The following ATG10 variants were observed in gnomAD, a reference collection of about 807,000 sequenced individuals.
ATG10 encodes the protein ubiquitin-like-conjugating enzyme ATG10.
A neutral mutation model predicts 32.1 loss-of-function variants in ATG10; 30 were observed. The observed-to-expected ratio is 0.94, with a 90% CI of 0.70 to 1.27. The LOEUF is 1.27. Among genes scored for constraint, ATG10 ranks in the 50% most tolerant of loss-of-function variants. The pLI is 0.00. For missense variants in ATG10, 233 were observed against 262.3 expected (o/e 0.89, Z 0.77); for synonymous variants, 87 against 91.5 (o/e 0.95, Z 0.28).
At chr5:81,976,303 C>G (rs992668792) in intron 1 of ATG10, 6 of 153,042 alleles carry the variant, frequency 3.9e-5, no homozygotes, top group African/African-American at 1.4e-4. Flanking sequence ...GCCACTGCGC[C>G]CGGCCTGTTG....
chr5:82,105,031 T>G (rs1765402259), intron 3 of ATG10, among the ~76,000 whole-genome samples: 1 of 152,170 alleles, frequency 6.6e-6, no homozygotes, highest in Non-Finnish European at 1.5e-5. Context: ...CCTAACAATG[T>G]CAGTGTTTGA....
chr5:82,180,430 A>G (rs1399049724), intron 5 of ATG10, among the ~76,000 whole-genome samples: 1 of 152,170 alleles, frequency 6.6e-6, no homozygotes, highest in Non-Finnish European at 1.5e-5. Flanking sequence ...TAGACCAGGC[A>G]TTGGTGGTGC....
At chr5:82,159,736 T>C (rs1357724006) in intron 3 of ATG10, among the ~76,000 whole-genome samples, 2 of 152,042 alleles carry the variant, frequency 1.3e-5, no homozygotes, top group African/African-American at 2.4e-5. Context: ...GACATTAGAC[T>C]CTCTTTATTA....
intron 3 of ATG10, among the ~76,000 whole-genome samples, chr5:82,068,306 C>A (rs561966835): frequency 5.0e-4 from 76 of 152,062 alleles, no homozygotes; most frequent in Middle Eastern, 3.4e-3. Flanking sequence ...AAACAGAAAA[C>A]CAAACACCAA....
At chr5:82,167,310 G>A (rs1370779223) in intron 4 of ATG10, among the ~76,000 whole-genome samples, 1 of 152,122 alleles carries the variant, frequency 6.6e-6, no homozygotes, top group Non-Finnish European at 1.5e-5. Context: ...CAAGAGTGAA[G>A]GAAATTGATA....
chr5:82,058,033 T>C (rs1446318229), intron 2 of ATG10, among the ~76,000 whole-genome samples: 1 of 152,206 alleles, frequency 6.6e-6, no homozygotes. Flanking sequence ...GTTGCTGAGA[T>C]GCATAAGTAC....
chr5:82,128,483 G>A (rs1328607280), intron 3 of ATG10, among the ~76,000 whole-genome samples: 1 of 151,880 alleles, frequency 6.6e-6, no homozygotes, highest in Non-Finnish European at 1.5e-5. Flanking sequence ...GGCAGGCCTG[G>A]TGGTGACAAA....
chr5:82,075,263 G>C (rs1021755453), intron 3 of ATG10, among the ~76,000 whole-genome samples: 1 of 152,106 alleles, frequency 6.6e-6, no homozygotes, highest in African/African-American at 2.4e-5. Flanking sequence ...AATACCATAA[G>C]GGCAAGATAT....
intron 2 of ATG10, among the ~76,000 whole-genome samples, chr5:82,033,828 C>T (rs1198457226): frequency 6.7e-6 from 1 of 150,206 alleles, no homozygotes; most frequent in African/African-American, 2.5e-5. Flanking sequence ...TATATCTGTA[C>T]TATATGTATA....
At chr5:82,145,125 A>G (rs1402315661) in intron 3 of ATG10, among the ~76,000 whole-genome samples, 4 of 152,096 alleles carry the variant, frequency 2.6e-5, no homozygotes, top group African/African-American at 9.7e-5. Flanking sequence ...TATTGTTTAC[A>G]TGATCTGCCT....
At position 82,064,811 on chromosome 5, in the gene ATG10, A is replaced by G. The variant is rs115365106; in HGVS notation, c.216+6209A>G. On this transcript the variant is annotated intron_variant, in intron 3 of 7. Transcript: ENST00000282185. ...TAACAATAACAATATTATAATAAAGACAGCAGCCTAAGTTTATGGAGGACT... is the reference window on the plus strand; with the variant it reads ...TAACAATAACAATATTATAATAAAGGCAGCAGCCTAAGTTTATGGAGGACT... Among the ~76,000 whole-genome samples the G allele has an allele frequency of 1.6e-3, 247 of 152,282 alleles. 1 individual carries two copies. The highest frequency in any genetic ancestry group is 2.5e-3 in the Admixed American group (39 of 15,296).
At chr5:82,024,699 A>G (rs1164817033) in intron 2 of ATG10, among the ~76,000 whole-genome samples, 1 of 152,224 alleles carries the variant, frequency 6.6e-6, no homozygotes, top group African/African-American at 2.4e-5. Flanking sequence ...AAAAAAGGCC[A>G]TGATTTATAA....
chr5:82,202,179 A>AT (rs1554057086), intron 5 of ATG10, among the ~76,000 whole-genome samples: 1 of 152,164 alleles, frequency 6.6e-6, no homozygotes. Flanking sequence ...ATGATGGTTA[A>AT]TTTTTTGTGT....
chr5:82,094,503 A>G (rs886171824), intron 3 of ATG10, among the ~76,000 whole-genome samples: 4 of 152,184 alleles, frequency 2.6e-5, no homozygotes, highest in Non-Finnish European at 4.4e-5. Flanking sequence ...CTGGAATGCT[A>G]TCTGGTAATA....
intron 3 of ATG10, among the ~76,000 whole-genome samples, chr5:82,149,732 T>C (rs1767515429): frequency 6.6e-6 from 1 of 152,166 alleles, no homozygotes; most frequent in Non-Finnish European, 1.5e-5. Context: ...AAGTATTTCC[T>C]TCTATTCTCA....
chr5:82,159,076 T>G (rs2149892908), intron 3 of ATG10, among the ~76,000 whole-genome samples: 2 of 152,306 alleles, frequency 1.3e-5, no homozygotes, highest in South Asian at 4.1e-4. Flanking sequence ...TCACTACCCT[T>G]GTGCCTTGGG....
intron 1 of ATG10, among the ~76,000 whole-genome samples, chr5:81,985,887 C>G (rs966132964): frequency 2.0e-5 from 3 of 152,146 alleles, no homozygotes; most frequent in African/African-American, 7.2e-5. Flanking sequence ...CTCAGCCTCT[C>G]GAGTAGCTGG....
intron 2 of ATG10, among the ~76,000 whole-genome samples, chr5:82,005,575 G>A (rs1471351626): frequency 2.0e-5 from 3 of 152,284 alleles, no homozygotes; most frequent in Admixed American, 2.0e-4. Context: ...GATTACAGGC[G>A]TGAGCCACCG....
intron 2 of ATG10, among the ~76,000 whole-genome samples, chr5:82,030,199 G>A (rs1762708245): frequency 6.6e-6 from 1 of 152,194 alleles, no homozygotes; most frequent in South Asian, 2.1e-4. Context: ...AGTTGTTTGT[G>A]GGAAAGCTGA....
Sources: gnomAD v4.1 joint callset for allele counts (sites outside exome capture counted in the v4.1 genomes callset) on GRCh38, gnomAD v4.1.1 for gene constraint, MANE v1.5 for transcripts, NCBI Gene and HGNC (gene_info 2026-07-23, HGNC 2026-07-21) for gene names.